PCLO: variants seen among roughly 807,000 people sequenced by gnomAD.
PCLO encodes the protein protein piccolo.
A neutral mutation model predicts 427.5 loss-of-function variants in PCLO; 82 were observed. That is an observed-to-expected ratio of 0.19 (90% CI 0.16 to 0.23). The LOEUF (loss-of-function observed/expected upper bound fraction) is 0.23, where lower values mean the gene tolerates loss of function less well. PCLO is among the 10% of genes least tolerant of loss of function. PCLO has a pLI of 1.00. For synonymous variants in PCLO, 2,357 were observed against 2,155.4 expected, an observed-to-expected ratio of 1.09 and a Z score of -2.59; for missense variants, 6,239 against 6,115.9, an observed-to-expected ratio of 1.02 and a Z score of -0.67.
chr7:83,074,366 G>GTAC (rs1456812869), intron 3 of PCLO, among the ~76,000 whole-genome samples: 13 of 152,056 alleles, frequency 8.5e-5, no homozygotes, highest in African/African-American at 2.9e-4. Context: ...AGAATTATTT[G>GTAC]TACTAAGGAA....
intron 18 of PCLO, among the ~76,000 whole-genome samples, chr7:82,825,666 T>C (rs913940744): frequency 2.7e-5 from 4 of 148,190 alleles, no homozygotes; most frequent in Non-Finnish European, 4.5e-5. Flanking sequence ...ATATACATTG[T>C]ATATATAACG....
At position 82,929,876 on chromosome 7, in the gene PCLO, C is replaced by T. The variant is rs191443352; in HGVS notation, c.11113-13003G>A. 1.9e-3 allele frequency among the ~76,000 whole-genome samples: 291 copies of T among 152,184 alleles called. 1 individual carries two copies. Among genetic ancestry groups the T allele is most frequent in the Admixed American group, 6.6e-3 (100 of 15,256 alleles). Reference sequence around the variant, plus strand: ...AATTCTAATTGTTTGTCCTTCTGTCCATCCGTCTAATAAATATTTACTAAT... The same window carrying T: ...AATTCTAATTGTTTGTCCTTCTGTCTATCCGTCTAATAAATATTTACTAAT... On this transcript the variant is annotated intron_variant, in intron 6 of 24. Coordinates refer to ENST00000333891, the MANE Select transcript of PCLO (RefSeq NM_033026.6).
At chr7:82,806,147 A>G (rs1484028238) in intron 20 of PCLO, among the ~76,000 whole-genome samples, 1 of 152,180 alleles carries the variant, frequency 6.6e-6, no homozygotes, top group East Asian at 1.9e-4. Context: ...ACAGTATTGC[A>G]AAAATGATAT....
chr7:82,923,396 A>G (rs1794641724), intron 6 of PCLO, among the ~76,000 whole-genome samples: 2 of 152,082 alleles, frequency 1.3e-5, no homozygotes, highest in African/African-American at 4.8e-5. Flanking sequence ...TACAGAAAAA[A>G]AAAGTTCAAA....
At chr7:82,853,269 TG>T (rs1266302241) in intron 10 of PCLO, among the ~76,000 whole-genome samples, 1 of 152,136 alleles carries the variant, frequency 6.6e-6, no homozygotes, top group African/African-American at 2.4e-5. Flanking sequence ...TATATAAAAA[TG>T]GGCCTACTTT....
intron 3 of PCLO, among the ~76,000 whole-genome samples, chr7:83,062,583 G>C (rs1017497655): frequency 6.6e-6 from 1 of 152,106 alleles, no homozygotes; most frequent in African/African-American, 2.4e-5. Context: ...CACTTGTTCT[G>C]CTCATCAACA....
rs762688793 is a variant in PCLO at position 82,822,551 on chromosome 7, G to A, written c.14735C>T (p.Ala4912Val). ...TTCGGCAGCAGCTATGGCAGCCCCT[G>A]CATCTTCCAGGTGGGTCTGAGTGAC... ...TSVTQTHLED[A>V]GAAIAAAEAA... Residue 4912 changes from alanine to valine, a missense_variant, in exon 20 of 25, where the codon GCA becomes GTA. Ala to Val is a moderately conservative substitution (Grantham distance 64). Transcript: ENST00000333891. The A allele has an allele frequency of 6.2e-7, 1 of 1,613,914 alleles. No homozygotes were observed.
chr7:82,871,983 A>G (rs1217782295), intron 10 of PCLO, among the ~76,000 whole-genome samples: 1 of 152,036 alleles, frequency 6.6e-6, no homozygotes, highest in Non-Finnish European at 1.5e-5. Flanking sequence ...TTTGAGCTTA[A>G]GAACATTTCT....
chr7:82,907,720 G>C (rs1029318686), intron 8 of PCLO, among the ~76,000 whole-genome samples: 1 of 151,762 alleles, frequency 6.6e-6, no homozygotes, highest in Non-Finnish European at 1.5e-5. Context: ...AAAAACTAAA[G>C]ATAGAAATTT....
At position 83,155,179 on chromosome 7, in the gene PCLO, T is replaced by C. The variant is rs753539060; in HGVS notation, c.1462A>G (p.Lys488Glu). ...GAGCCAGGCTGTTGAGGTGGGGGCT[T>C]TGCTGGGCCAGGCTGTTGAGGTGGG... is the stretch of plus-strand genomic sequence containing the variant. ...KPPPQQPGPA[K>E]PPPQQPGSAK... The change falls in exon 2 of 25, where the codon AAG becomes GAG. Residue 488 changes from lysine (K) to glutamate (E), a missense_variant. Physicochemically the swap from Lys to Glu is moderately conservative, Grantham distance 56. This residue lies in a region of PCLO where 4,677 missense variants were observed against 4,468.4 expected (regional missense o/e 1.05). Transcript: ENST00000333891. The C allele has an allele frequency of 2.5e-6, 4 of 1,600,986 alleles. No individual in the cohort carries two copies. The African/African-American group carries it at 5.9e-5, about 24-fold the overall frequency.
intron 3 of PCLO, among the ~76,000 whole-genome samples, chr7:83,027,245 T>C (rs1471670264): frequency 6.9e-6 from 1 of 144,794 alleles, no homozygotes; most frequent in African/African-American, 2.5e-5. Flanking sequence ...AAGAATCAAA[T>C]AGACGCAATA....
intron 9 of PCLO, among the ~76,000 whole-genome samples, chr7:82,881,543 T>C (rs1359980667): frequency 6.6e-6 from 1 of 152,204 alleles, no homozygotes; most frequent in Non-Finnish European, 1.5e-5. Context: ...AATAGAATAA[T>C]ACAGTCATGA....
Position 83,156,014 on chromosome 7 carries a change from A to G in PCLO, c.627T>C (p.Pro209=). The change falls in exon 2 of 25, where the codon CCT becomes CCC. Residue 209 remains proline (P), a synonymous_variant. Transcript: ENST00000333891. ...EQGKPEGIIK[P]PLQQQPPKPI... ...GCTTGGGTGGCTGTTGTTGTAAAGG[A>G]GGTTTTATGATTCCTTCAGGTTTTC... 1 of 1,612,156 alleles carries G rather than the reference A, an allele frequency of 6.2e-7. No individual in the cohort carries two copies. The highest frequency in any genetic ancestry group is 8.5e-7 in the Non-Finnish European group (1 of 1,179,582).
At chr7:82,960,759 T>A (rs1443137961) in intron 4 of PCLO, among the ~76,000 whole-genome samples, 1 of 152,144 alleles carries the variant, frequency 6.6e-6, no homozygotes, top group Non-Finnish European at 1.5e-5. Flanking sequence ...CAATGTACTA[T>A]AATAATATGA....
At chr7:83,001,505 A>AACACACACACACACACACACAC (rs3035080) in intron 3 of PCLO, among the ~76,000 whole-genome samples, 1 of 149,050 alleles carries the variant, frequency 6.7e-6, no homozygotes, top group Admixed American at 6.7e-5. Context: ...CACACATACA[A>AACACACACACACACACACACAC]ACACACACAC....
chr7:82,961,753 G>A (rs1470572345), intron 4 of PCLO, among the ~76,000 whole-genome samples: 1 of 152,168 alleles, frequency 6.6e-6, no homozygotes. Flanking sequence ...CAACTATAAA[G>A]AGAAGTTACA....
intron 10 of PCLO, among the ~76,000 whole-genome samples, chr7:82,878,887 A>G (rs1793434646): frequency 6.6e-6 from 1 of 152,180 alleles, no homozygotes; most frequent in South Asian, 2.1e-4. Flanking sequence ...GTGTTCCAAT[A>G]AAACAGTATT....
At chr7:83,102,483 G>A (rs1458735177) in intron 3 of PCLO, among the ~76,000 whole-genome samples, 1 of 151,764 alleles carries the variant, frequency 6.6e-6, no homozygotes, top group Non-Finnish European at 1.5e-5. Flanking sequence ...CAAATATATA[G>A]AATACTAGGT....
intron 3 of PCLO, among the ~76,000 whole-genome samples, chr7:83,065,678 G>T (rs1467512156): frequency 6.6e-6 from 1 of 151,828 alleles, no homozygotes; most frequent in Admixed American, 6.6e-5. Flanking sequence ...AGATAAATTT[G>T]GCCAGAAATA....
Sources: gnomAD v4.1 joint callset for allele counts (sites outside exome capture counted in the v4.1 genomes callset) on GRCh38, gnomAD v4.1.1 for gene constraint, gnomAD v4.1.1 regional missense constraint, MANE v1.5 for transcripts, NCBI Gene and HGNC (gene_info 2026-07-23, HGNC 2026-07-21) for gene names.